The following NCOA2 variants were observed in gnomAD, a reference collection of about 807,000 sequenced individuals.
NCOA2 encodes the protein nuclear receptor coactivator 2, also known as class E basic helix-loop-helix protein 75.
In NCOA2, 21 loss-of-function variants were observed where a neutral mutation model predicts 145.1. The ratio of observed to expected loss-of-function variants is 0.14; its 90% confidence interval spans 0.10 to 0.21. The LOEUF is 0.21. Among genes scored for constraint, NCOA2 ranks in the 10% least tolerant of loss-of-function variants. NCOA2 has a pLI of 1.00. For synonymous variants in NCOA2, 619 were observed against 637.5 expected (o/e 0.97, Z 0.44); for missense variants, 1,472 against 1,837.6 (o/e 0.80, Z 3.64).
intron 1 of NCOA2, among the ~76,000 whole-genome samples, chr8:70,319,539 AAAAT>A (rs71558597): frequency 2.1e-4 from 32 of 149,070 alleles, no homozygotes; most frequent in Admixed American, 2.7e-4. Flanking sequence ...CCCTGTCTCA[AAAAT>A]AAATAAATAA....
the NCOA2 span, among the ~76,000 whole-genome samples, chr8:70,410,409 T>G: frequency 6.6e-6 from 1 of 152,084 alleles, no homozygotes; most frequent in Non-Finnish European, 1.5e-5. Flanking sequence ...ACCAAAAGAT[T>G]GTATAGAACA....
chr8:70,195,040 T>C (rs911125242), intron 4 of NCOA2, among the ~76,000 whole-genome samples: 3 of 152,190 alleles, frequency 2.0e-5, no homozygotes, highest in African/African-American at 7.2e-5. Flanking sequence ...GTTCTTCTTC[T>C]GTAAAATGGA....
the NCOA2 span, among the ~76,000 whole-genome samples, chr8:70,411,181 AACATT>A: frequency 6.6e-6 from 1 of 152,218 alleles, no homozygotes; most frequent in Admixed American, 6.5e-5. Flanking sequence ...TCAATATTGA[AACATT>A]TATAGCTTCC....
At chr8:70,114,782 T>G (rs919364159) in intron 22 of NCOA2, among the ~76,000 whole-genome samples, 1 of 152,356 alleles carries the variant, frequency 6.6e-6, no homozygotes, top group Admixed American at 6.5e-5. Context: ...TTATCTAATT[T>G]AAGTAAGATT....
chr8:70,395,088 C>T (rs899697065), intron 1 of NCOA2, among the ~76,000 whole-genome samples: 2 of 152,146 alleles, frequency 1.3e-5, no homozygotes, highest in African/African-American at 4.8e-5. Context: ...AGACTTCCCC[C>T]GTAATCTTGA....
intron 4 of NCOA2, among the ~76,000 whole-genome samples, chr8:70,202,066 A>G (rs1817953138): frequency 6.6e-6 from 1 of 152,248 alleles, no homozygotes; most frequent in Non-Finnish European, 1.5e-5. Flanking sequence ...TCTTTTCAAA[A>G]TATCTCCTTG....
chr8:70,288,580 C>CAAAACA (rs1826420491), intron 2 of NCOA2, among the ~76,000 whole-genome samples: 1 of 120,428 alleles, frequency 8.3e-6, no homozygotes, highest in Non-Finnish European at 1.8e-5. Context: ...AACCCTGTCT[C>CAAAACA]AAAACAAAAA....
chr8:70,373,199 G>A (rs570376486), intron 1 of NCOA2, among the ~76,000 whole-genome samples: 1 of 152,268 alleles, frequency 6.6e-6, no homozygotes, highest in South Asian at 2.1e-4. Context: ...GTTTTCCAAA[G>A]AACACCTCAA....
chr8:70,230,480 C>T (rs902953147), intron 2 of NCOA2, among the ~76,000 whole-genome samples: 1 of 152,094 alleles, frequency 6.6e-6, no homozygotes, highest in Non-Finnish European at 1.5e-5. Context: ...TGAATTATAT[C>T]TCAAGAAAGC....
the NCOA2 span, among the ~76,000 whole-genome samples, chr8:70,412,959 G>A: frequency 6.6e-6 from 1 of 151,898 alleles, no homozygotes; most frequent in African/African-American, 2.4e-5. Context: ...TTAGCCAGGT[G>A]TGGTGGTGCA....
intron 1 of NCOA2, among the ~76,000 whole-genome samples, chr8:70,354,492 A>G (rs1490940055): frequency 6.6e-6 from 1 of 152,204 alleles, no homozygotes; most frequent in Admixed American, 6.5e-5. Flanking sequence ...TCTAGAAAAC[A>G]TATGCTTTGA....
chr8:70,225,920 T>C (rs1299392854), intron 2 of NCOA2, among the ~76,000 whole-genome samples: 1 of 152,138 alleles, frequency 6.6e-6, no homozygotes, highest in African/African-American at 2.4e-5. Flanking sequence ...GGAGCAATAA[T>C]ACATACCTTT....
At chr8:70,170,524 G>A in intron 5 of NCOA2, 145 bp from the exon 6 acceptor site, 2 of 680,896 alleles carry the variant, frequency 2.9e-6, no homozygotes, top group South Asian at 5.0e-5. Context: ...CCAGTTTTCA[G>A]GAACAATTAA....
At chr8:70,339,305 C>G (rs746703506) in intron 1 of NCOA2, among the ~76,000 whole-genome samples, 1 of 151,914 alleles carries the variant, frequency 6.6e-6, no homozygotes, top group Non-Finnish European at 1.5e-5. Flanking sequence ...AGCAGAAAGC[C>G]AAATCATGAA....
At chr8:70,193,064 TAAAAAA>T (rs397892713) in intron 4 of NCOA2, among the ~76,000 whole-genome samples, 3 of 86,572 alleles carry the variant, frequency 3.5e-5, no homozygotes, top group Non-Finnish European at 6.2e-5. Flanking sequence ...GAGACTCTAT[TAAAAAA>T]AAAAAAAAAA....
chr8:70,332,632 T>C (rs528671120), intron 1 of NCOA2, among the ~76,000 whole-genome samples: 45 of 152,312 alleles, frequency 3.0e-4, no homozygotes, highest in Admixed American at 2.9e-3. Flanking sequence ...TGTATTCAGA[T>C]GTATTACAAT....
At chr8:70,233,027 C>G (rs1821278536) in intron 2 of NCOA2, among the ~76,000 whole-genome samples, 1 of 152,050 alleles carries the variant, frequency 6.6e-6, no homozygotes. Context: ...GAGATCAAGA[C>G]CATCCTGGCC....
In NCOA2 at chr8:70,296,487, A is replaced by T. The variant is rs1010110924; in HGVS notation, c.-20+257T>A. Among the ~76,000 whole-genome samples, 5 of 152,318 alleles carry T rather than the reference A, an allele frequency of 3.3e-5. No homozygotes were observed. The East Asian group carries it at 9.6e-4, about 29-fold the overall frequency. Reference sequence around the variant, plus strand: ...AGAATAAACTGTAATCAACTCATCCAATGGGTATAATGTAAACTCATCCCA... The same window carrying T: ...AGAATAAACTGTAATCAACTCATCCTATGGGTATAATGTAAACTCATCCCA... On this transcript the variant is annotated intron_variant, in intron 2 of 22. Coordinates refer to ENST00000452400, the MANE Select transcript of NCOA2 (RefSeq NM_006540.4).
Position 70,166,112 on chromosome 8 carries a change from G to A in NCOA2, c.730+454C>T, listed in dbSNP as rs1441748628. On this transcript the variant is annotated intron_variant, in intron 7 of 22. Transcript: ENST00000452400. ...GCTGGGATTACAGGCGTGAGCCACC[G>A]TGCCAGGAAAACTGTGCATTTTTCT... is the stretch of plus-strand genomic sequence containing the variant. Among the ~76,000 whole-genome samples, 8 of 152,304 alleles carry A rather than the reference G, an allele frequency of 5.3e-5. No homozygotes were observed. The East Asian group carries it at 9.6e-4, about 18-fold the overall frequency.
Sources: gnomAD v4.1 joint callset for allele counts (sites outside exome capture counted in the v4.1 genomes callset) on GRCh38, gnomAD v4.1.1 for gene constraint, MANE v1.5 for transcripts, NCBI Gene and HGNC (gene_info 2026-07-23, HGNC 2026-07-21) for gene names.